The following SPRED1 variants were observed in gnomAD, a reference collection of about 807,000 sequenced individuals.
SPRED1 encodes the protein sprouty-related, EVH1 domain-containing protein 1.
A neutral mutation model predicts 52.3 loss-of-function variants in SPRED1; 18 were observed. The ratio of observed to expected loss-of-function variants is 0.34; its 90% CI spans 0.24 to 0.51. The LOEUF (loss-of-function observed/expected upper bound fraction) is 0.51. Among genes scored for constraint, SPRED1 ranks in the 20% least tolerant of loss-of-function variants. SPRED1 has a pLI of 0.97. For synonymous variants in SPRED1, 155 were observed against 179.7 expected (o/e 0.86, Z 1.10); for missense variants, 485 against 551.0 (o/e 0.88, Z 1.20).
chr15:38,260,079 G>T (rs1894176435), intron 1 of SPRED1, among the ~76,000 whole-genome samples: 1 of 152,200 alleles, frequency 6.6e-6, no homozygotes, highest in South Asian at 2.1e-4. Flanking sequence ...AGAGGTACTT[G>T]TGACAGCAAA....
intron 1 of SPRED1, among the ~76,000 whole-genome samples, chr15:38,291,153 C>T (rs2140972191): frequency 6.6e-6 from 1 of 152,310 alleles, no homozygotes; most frequent in South Asian, 2.1e-4. Context: ...GGATACAGGG[C>T]CCATGCAAGT....
intron 1 of SPRED1, among the ~76,000 whole-genome samples, chr15:38,269,285 C>G (rs1466332716): frequency 6.6e-6 from 1 of 152,172 alleles, no homozygotes; most frequent in African/African-American, 2.4e-5. Context: ...CACTTTGTTA[C>G]ACAGGCTGGA....
chr15:38,350,915 T>C, intron 6 of SPRED1, 99 bp from the exon 7 acceptor site: 1 of 1,199,752 alleles, frequency 8.3e-7, no homozygotes, highest in Non-Finnish European at 1.2e-6. Context: ...ATGTCCAGAA[T>C]AATATTTCAA....
rs934606444 is a variant in SPRED1 at position 38,351,829 on chromosome 15, A to G, written c.*165A>G. On this transcript the variant is annotated 3_prime_UTR_variant, in exon 7 of 7. Transcript: ENST00000299084. ...GTTCTTGGCGTTTCACGCCATGCCT[A>G]ACTTTTCCCTTGAGTGCATGGCATG... The G allele has an allele frequency of 3.6e-6, 3 of 830,970 alleles. No individual in the cohort carries two copies. The highest frequency in any genetic ancestry group is 5.6e-6 in the Non-Finnish European group (3 of 532,322). The allele number at this position is 830,970 out of a possible 1,614,324, so 51.5% of individuals were successfully genotyped here. A position where few individuals can be genotyped will look rare whatever the true frequency, so the allele number is the denominator to read the frequency against.
In SPRED1 at chr15:38,339,864, G is replaced by C; in HGVS notation, c.551G>C (p.Arg184Thr). 6.2e-7 allele frequency: 1 copy of C among 1,613,932 alleles called. No individual in the cohort carries two copies. Among genetic ancestry groups the C allele is most frequent in the South Asian group, 1.1e-5 (1 of 91,086 alleles). Residue 184 changes from arginine to threonine, a missense_variant, in exon 5 of 7, where the codon AGA becomes ACA. Around this residue, in one of 5 missense-constraint regions of SPRED1, gnomAD observed 232 missense variants for 231.8 expected, o/e 1.00. Coordinates refer to ENST00000299084, the MANE Select transcript of SPRED1 (RefSeq NM_152594.3). ...RPSPFEDLNA[R>T]RVYMQSQANQ... is the part of the protein sequence containing the mutation. ...TCTCCCTTTGAAGATCTGAATGCCA[G>C]AAGAGTCTACATGCAAAGCCAAGCC... is the stretch of plus-strand genomic sequence containing the variant.
chr15:38,255,007 A>T (rs951118115), intron 1 of SPRED1, among the ~76,000 whole-genome samples: 5 of 152,226 alleles, frequency 3.3e-5, no homozygotes, highest in African/African-American at 1.2e-4. Flanking sequence ...TTCTTAAAGC[A>T]GTGAATATCT....
chr15:38,271,932 A>G (rs2140957129), intron 1 of SPRED1, among the ~76,000 whole-genome samples: 1 of 152,170 alleles, frequency 6.6e-6, no homozygotes, highest in East Asian at 1.9e-4. Context: ...AGTAGTCCCC[A>G]GTGTCTATTG....
At chr15:38,286,058 A>G (rs1894800521) in intron 1 of SPRED1, among the ~76,000 whole-genome samples, 1 of 152,124 alleles carries the variant, frequency 6.6e-6, no homozygotes, top group South Asian at 2.1e-4. Flanking sequence ...AGTCTGGGAA[A>G]CATAGTGAGG....
chr15:38,254,792 A>C (rs1894056882), intron 1 of SPRED1, among the ~76,000 whole-genome samples: 1 of 152,234 alleles, frequency 6.6e-6, no homozygotes, highest in Admixed American at 6.5e-5. Flanking sequence ...AGTGCAGTAC[A>C]GTCTCTCCCT....
rs1158610865 is a variant in SPRED1 at position 38,354,415 on chromosome 15, A to G, written c.*2751A>G. 6.6e-6 allele frequency: 1 copy of G among 152,204 alleles called. No individual in the cohort carries two copies. Among genetic ancestry groups the G allele is most frequent in the Non-Finnish European group, 1.5e-5 (1 of 68,030 alleles). The allele number at this position is 152,204 out of a possible 1,614,324, so 9.4% of individuals were successfully genotyped here. On this transcript the variant is annotated 3_prime_UTR_variant, in exon 7 of 7. Coordinates refer to ENST00000299084, the MANE Select transcript of SPRED1 (RefSeq NM_152594.3). The stretch of plus-strand genomic sequence containing the variant: ...CATGACAAGCAAGACTGGTCTGATG[A>G]ACTTGTTCAGAATTGATAATTCTTA...
At chr15:38,330,957 A>C (rs1434209014) in intron 4 of SPRED1, among the ~76,000 whole-genome samples, 1 of 152,068 alleles carries the variant, frequency 6.6e-6, no homozygotes, top group African/African-American at 2.4e-5. Flanking sequence ...GAGAGAAGCA[A>C]AATCTTTTTT....
chr15:38,258,078 A>G (rs569531867), intron 1 of SPRED1, among the ~76,000 whole-genome samples: 8 of 152,332 alleles, frequency 5.3e-5, no homozygotes, highest in African/African-American at 1.7e-4. Flanking sequence ...TTTATTTCAG[A>G]TAATGTACAA....
chr15:38,329,141 A>G (rs16966759), intron 4 of SPRED1, among the ~76,000 whole-genome samples: 13,804 of 152,230 alleles, frequency 0.091, 756 homozygotes, highest in East Asian at 0.21. Flanking sequence ...GATTGAGAAC[A>G]AAACCCACAA....
intron 4 of SPRED1, among the ~76,000 whole-genome samples, chr15:38,331,341 CTT>C (rs1895802814): frequency 6.6e-6 from 1 of 151,902 alleles, no homozygotes; most frequent in Non-Finnish European, 1.5e-5. Context: ...ATATATTAAA[CTT>C]TTTGCTCTTG....
chr15:38,344,980 A>G (rs1021397234), intron 5 of SPRED1, among the ~76,000 whole-genome samples: 2 of 152,354 alleles, frequency 1.3e-5, no homozygotes, highest in Middle Eastern at 3.4e-3. Context: ...GACTGTAGCT[A>G]TACATACAGT....
intron 5 of SPRED1, among the ~76,000 whole-genome samples, chr15:38,347,043 C>T (rs1342940605): frequency 3.3e-5 from 5 of 152,058 alleles, no homozygotes; most frequent in Admixed American, 3.3e-4. Context: ...ATTTTTCACT[C>T]TTTGTGGTGT....
intron 4 of SPRED1, among the ~76,000 whole-genome samples, chr15:38,328,593 C>A (rs186789458): frequency 3.3e-4 from 50 of 152,282 alleles, no homozygotes; most frequent in Admixed American, 1.5e-3. Context: ...AGTTGGCACT[C>A]AAAAGTTTTG....
Position 38,305,359 on chromosome 15 carries a change from T to G in SPRED1, c.207+5812T>G, listed in dbSNP as rs531579193. Reference sequence around the variant, plus strand: ...ATAAAAAACAAAAAAAAAAAACTTTTTTTTTTTTTCGTTTTAAAGGTGGGT... The same window carrying G: ...ATAAAAAACAAAAAAAAAAAACTTTGTTTTTTTTTCGTTTTAAAGGTGGGT... On this transcript the variant is annotated intron_variant, in intron 2 of 6. Coordinates refer to ENST00000299084, the MANE Select transcript of SPRED1 (RefSeq NM_152594.3). Among the ~76,000 whole-genome samples the G allele has an allele frequency of 4.0e-5, 6 of 150,818 alleles. No individual in the cohort carries two copies. In the South Asian group the frequency reaches 1.3e-3, roughly 32 times the overall value.
chr15:38,336,824 T>C (rs1447635625), intron 4 of SPRED1, among the ~76,000 whole-genome samples: 1 of 151,988 alleles, frequency 6.6e-6, no homozygotes, highest in Non-Finnish European at 1.5e-5. Context: ...AGGCTACACA[T>C]TGGGTACAGT....
Sources: gnomAD v4.1 joint callset for allele counts (sites outside exome capture counted in the v4.1 genomes callset) on GRCh38, gnomAD v4.1.1 for gene constraint, gnomAD v4.1.1 regional missense constraint, MANE v1.5 for transcripts, NCBI Gene and HGNC (gene_info 2026-07-23, HGNC 2026-07-21) for gene names.